SPAG1: variants seen among roughly 807,000 people sequenced by gnomAD.
The protein encoded by SPAG1 is sperm associated antigen 1.
Under a neutral mutation model 100.5 loss-of-function variants are expected in SPAG1, and 69 were observed. The ratio of observed to expected loss-of-function variants is 0.69; its 90% confidence interval spans 0.57 to 0.84. The LOEUF (loss-of-function observed/expected upper bound fraction) is 0.84, where lower values mean the gene tolerates loss of function less well. Ranked by LOEUF, SPAG1 falls within the 40% of genes least tolerant of loss-of-function variation. SPAG1 has a pLI of 0.00. For synonymous variants in SPAG1, 336 were observed against 411.6 expected (o/e 0.82, Z 2.22); for missense variants, 955 against 1,133.1 (o/e 0.84, Z 2.26).
chr8:100,191,351 A>G (rs1816806763), intron 8 of SPAG1, 39 bp from the exon 9 acceptor site: 3 of 1,380,256 alleles, frequency 2.2e-6, no homozygotes, highest in South Asian at 1.2e-5. Context: ...ATAATGCCAC[A>G]TATTAAAAAA....
chr8:100,175,404 C>T (rs567334429), intron 3 of SPAG1, among the ~76,000 whole-genome samples: 1 of 151,874 alleles, frequency 6.6e-6, no homozygotes, highest in African/African-American at 2.4e-5. Context: ...CCTGCCTCAG[C>T]CTCCCGAGTA....
chr8:100,166,122 A>ATT, intron 3 of SPAG1, 149 bp downstream of exon 3: 1 of 619,256 alleles, frequency 1.6e-6, no homozygotes, highest in Non-Finnish European at 2.8e-6. Context: ...CACCCAGGGG[A>ATT]ACATTGCGAA....
intron 16 of SPAG1, 31 bp downstream of exon 16, chr8:100,233,568 T>A (rs929059902): frequency 6.4e-7 from 1 of 1,553,312 alleles, no homozygotes; most frequent in African/African-American, 1.4e-5. Context: ...ATGCATAAAC[T>A]TCAGCTCTGA....
At chr8:100,174,792 A>G (rs998470065) in intron 3 of SPAG1, among the ~76,000 whole-genome samples, 8 of 152,298 alleles carry the variant, frequency 5.3e-5, no homozygotes, top group African/African-American at 1.9e-4. Flanking sequence ...TTACTGTGGT[A>G]TGGTGTTAGC....
intron 1 of SPAG1, chr8:100,158,910 G>GT (rs1487723127): frequency 1.3e-5 from 2 of 148,300 alleles, no homozygotes; most frequent in East Asian, 4.0e-4. Context: ...TGATTGTTCA[G>GT]TTATAGATCC....
intron 12 of SPAG1, among the ~76,000 whole-genome samples, chr8:100,216,054 T>G (rs575699479): frequency 6.6e-6 from 1 of 152,364 alleles, no homozygotes; most frequent in African/African-American, 2.4e-5. Flanking sequence ...GTTGATATTT[T>G]GAAATCTGCC....
rs1174597773 is a variant in SPAG1 at position 100,213,672 on chromosome 8, T to G, written c.1436-147T>G. The stretch of plus-strand genomic sequence containing the variant: ...CGCCGGGTTTTCCCTTGGTGGCTGT[T>G]GCGGGTAGCAGCTCCGTGGAGTTCT... On this transcript the variant is annotated intron_variant, in intron 11 of 18. Transcript: ENST00000388798. The G allele has an allele frequency of 1.1e-4, 64 of 587,806 alleles. 1 individual carries two copies. The highest frequency in any genetic ancestry group is 2.9e-6 in the Non-Finnish European group (1 of 345,800). The allele number at this position is 587,806 out of a possible 1,614,324, so 36.4% of individuals were successfully genotyped here.
At chr8:100,220,843 C>T (rs1378422821) in intron 13 of SPAG1, among the ~76,000 whole-genome samples, 2 of 152,058 alleles carry the variant, frequency 1.3e-5, no homozygotes, top group Admixed American at 6.6e-5. Flanking sequence ...GAGGCCAAGG[C>T]GGGTGGATCA....
At chr8:100,177,783 A>G in intron 3 of SPAG1, 33 bp from the exon 4 acceptor site, 1 of 1,271,890 alleles carries the variant, frequency 7.9e-7, no homozygotes, top group Non-Finnish European at 1.1e-6. Flanking sequence ...TAATTATTTC[A>G]AACTATATAT....
At chr8:100,215,116 C>T (rs1817918469) in intron 12 of SPAG1, among the ~76,000 whole-genome samples, 2 of 144,990 alleles carry the variant, frequency 1.4e-5, no homozygotes, top group South Asian at 2.2e-4. Context: ...ACATGTGCCT[C>T]CTATCTAGCT....
intron 10 of SPAG1, among the ~76,000 whole-genome samples, chr8:100,195,658 T>C (rs1346123372): frequency 6.6e-6 from 1 of 152,236 alleles, no homozygotes; most frequent in Non-Finnish European, 1.5e-5. Context: ...TTTTGCATAA[T>C]TAACCATATG....
intron 8 of SPAG1, among the ~76,000 whole-genome samples, chr8:100,188,864 A>G (rs1019162554): frequency 1.3e-5 from 2 of 152,128 alleles, no homozygotes; most frequent in Non-Finnish European, 2.9e-5. Flanking sequence ...ATTGCCCTCC[A>G]TTTACCAATA....
chr8:100,166,038 A>T, intron 3 of SPAG1, 65 bp downstream of exon 3: 8 of 1,395,034 alleles, frequency 5.7e-6, no homozygotes, highest in East Asian at 2.4e-5. Flanking sequence ...TACTTCACTT[A>T]TCGGAAATCC....
In SPAG1 at chr8:100,225,318, C is replaced by T. The variant is rs143310672; in HGVS notation, c.1834C>T (p.His612Tyr). Residue 612 changes from histidine to tyrosine, a missense_variant, in exon 14 of 19, where the codon CAT becomes TAT. Transcript: ENST00000388798. ...AAAACAAGCAGGAGACTCCAGCAGC[C>T]ATCGCCAGCAGGGCATCACAGGTGG... Reference protein sequence around the residue: ...ISKQAGDSSSHRQQGITDEKT... With the variant: ...ISKQAGDSSSYRQQGITDEKT... The T allele has an allele frequency of 1.9e-6, 3 of 1,613,584 alleles. No individual in the cohort carries two copies. Among genetic ancestry groups the T allele is most frequent in the South Asian group, 2.2e-5 (2 of 91,054 alleles).
chr8:100,220,503 C>A, intron 13 of SPAG1, 72 bp downstream of exon 13: 1 of 1,276,518 alleles, frequency 7.8e-7, no homozygotes, highest in Non-Finnish European at 1.1e-6. Flanking sequence ...CCTTCAAGAA[C>A]ATGTCAAAAT....
intron 10 of SPAG1, among the ~76,000 whole-genome samples, chr8:100,197,365 G>C (rs1817078477): frequency 6.6e-6 from 1 of 152,040 alleles, no homozygotes; most frequent in Admixed American, 6.5e-5. Context: ...AGATGAAGTA[G>C]AATAAATAGC....
intron 12 of SPAG1, among the ~76,000 whole-genome samples, chr8:100,217,424 G>A (rs1035631726): frequency 3.9e-5 from 6 of 152,100 alleles, no homozygotes; most frequent in Admixed American, 3.9e-4. Flanking sequence ...TTTTCCAGGG[G>A]TGTGTTTGGA....
In SPAG1 at chr8:100,165,901, G is replaced by T; in HGVS notation, c.228G>T (p.Arg76Ser). The T allele has an allele frequency of 6.2e-7, 1 of 1,614,214 alleles. No individual in the cohort carries two copies. Among genetic ancestry groups the T allele is most frequent in the South Asian group, 1.1e-5 (1 of 91,082 alleles). Reference protein sequence around the residue: ...QALAPESRALRKDKPAATAAS... With the variant: ...QALAPESRALSKDKPAATAAS... Reference sequence around the variant, plus strand: ...TGGCCCCTGAAAGCAGAGCTTTGAGGAAAGATAAACCAGCAGCAACAGCAG... The same window carrying T: ...TGGCCCCTGAAAGCAGAGCTTTGAGTAAAGATAAACCAGCAGCAACAGCAG... The change falls in exon 3 of 19, where the codon AGG becomes AGT. Residue 76 changes from arginine (R) to serine (S), a missense_variant. Coordinates refer to ENST00000388798, the MANE Select transcript of SPAG1 (RefSeq NM_003114.5).
chr8:100,226,863 A>C (rs1192932783), intron 14 of SPAG1, among the ~76,000 whole-genome samples: 1 of 152,222 alleles, frequency 6.6e-6, no homozygotes, highest in Admixed American at 6.5e-5. Flanking sequence ...TGGAGCACAT[A>C]TATGACAGTG....
Sources: allele counts gnomAD v4.1 joint callset (sites outside exome capture counted in the v4.1 genomes callset), GRCh38; gene constraint gnomAD v4.1.1; transcripts MANE v1.5; gene names NCBI Gene and HGNC (gene_info 2026-07-23, HGNC 2026-07-21).